TMC8: variants seen among roughly 807,000 people sequenced by gnomAD.
TMC8 encodes transmembrane channel-like protein 8.
TMC8 carries 71 observed loss-of-function variants against 76.0 expected under a neutral mutation model. The observed-to-expected ratio is 0.93, with a 90% CI of 0.77 to 1.14. The LOEUF (loss-of-function observed/expected upper bound fraction) is 1.14, where lower values mean the gene tolerates loss of function less well. Ranked by LOEUF, TMC8 falls within the 50% of genes most tolerant of loss-of-function variation. The pLI, the probability that TMC8 is intolerant of heterozygous loss-of-function variation, is 0.00. For missense variants in TMC8, 924 were observed against 947.9 expected (o/e 0.97, Z 0.33); for synonymous variants, 433 against 433.8 (o/e 1.00, Z 0.02).
rs745545885 is a variant in TMC8 at position 78,138,797 on chromosome 17, G to T, written c.1823+65G>T. 5 of 1,594,022 alleles carry T rather than the reference G, an allele frequency of 3.1e-6. No homozygotes were observed. The African/African-American group carries it at 5.4e-5, about 17-fold the overall frequency. On this transcript the variant is annotated intron_variant, in intron 14 of 15. Coordinates refer to ENST00000318430, the MANE Select transcript of TMC8 (RefSeq NM_152468.5). ...AGGGGGAGGTCCTTCCTTCCATGGG[G>T]GTGGTGAGCCTGTGCACCCCCAACC...
chr17:78,138,213 T>C, intron 12 of TMC8, 25 bp downstream of exon 12: 1 of 1,613,554 alleles, frequency 6.2e-7, no homozygotes, highest in East Asian at 2.2e-5. Context: ...CTGGGGGGTA[T>C]GGGGTTCGTG....
chr17:78,131,343 T>A lies in TMC8; in HGVS notation c.-246T>A. ...GAGTTGGAGCGGGGCTGGGCCCGAA[T>A]TCGACCGCAGCAGGATTCTCTCTCA... is the stretch of plus-strand genomic sequence containing the variant. On this transcript the variant is annotated 5_prime_UTR_variant, in exon 2 of 16. Transcript: ENST00000318430. The A allele has an allele frequency of 5.1e-6, 3 of 586,884 alleles. No individual in the cohort carries two copies. Among genetic ancestry groups the A allele is most frequent in the Non-Finnish European group, 3.0e-6 (1 of 331,332 alleles). 36.4% of individuals were successfully genotyped at this position (586,884 alleles called of 1,614,324 possible).
At chr17:78,135,957 G>A (rs1181581553) in intron 9 of TMC8, among the ~76,000 whole-genome samples, 1 of 152,188 alleles carries the variant, frequency 6.6e-6, no homozygotes, top group Non-Finnish European at 1.5e-5. Flanking sequence ...GGGAAGCTGA[G>A]GCAGGAGAAT....
At position 78,134,974 on chromosome 17, in the gene TMC8, C is replaced by G; in HGVS notation, c.1092C>G (p.Tyr364Ter). ...CATTTCTGGTCCAGCTGGAGAACTACCCTCCCAACACGGAGGTCAACCTCA... is the reference window on the plus strand; with the variant it reads ...CATTTCTGGTCCAGCTGGAGAACTAGCCTCCCAACACGGAGGTCAACCTCA... ...LFTFLVQLEN[Y>*]PPNTEVNLTL... The change falls in exon 9 of 16, where the codon TAC becomes TAG. Residue 364 changes from tyrosine (Y) to a stop codon, truncating the protein, a stop_gained. Transcript: ENST00000318430. LOFTEE classifies it high-confidence loss of function. 1 of 1,614,088 alleles carries G rather than the reference C, an allele frequency of 6.2e-7. No homozygotes were observed. Among genetic ancestry groups the G allele is most frequent in the Non-Finnish European group, 8.5e-7 (1 of 1,179,974 alleles).
At chr17:78,137,599 C>T (rs574175423) in intron 10 of TMC8, 118 bp from the exon 11 acceptor site, 189 of 1,152,600 alleles carry the variant, frequency 1.6e-4, no homozygotes, top group Middle Eastern at 4.2e-4. Flanking sequence ...TTCAACCTAA[C>T]GATTCTATCA....
Position 78,142,883 on chromosome 17 carries a change from C to T in TMC8, c.*1771C>T, listed in dbSNP as rs3169565. On this transcript the variant is annotated 3_prime_UTR_variant, in exon 16 of 16. Transcript: ENST00000318430. ...GAGACCTTGAAGGAATCATCAAACT[C>T]TGGGCCTCGGTGTGCTCACCCAGGG... 3 of 152,062 alleles carry T rather than the reference C, an allele frequency of 2.0e-5. No individual in the cohort carries two copies. The highest frequency in any genetic ancestry group is 7.3e-5 in the African/African-American group (3 of 41,378). 9.4% of individuals were successfully genotyped at this position (152,062 alleles called of 1,614,324 possible). A position where few individuals can be genotyped will look rare whatever the true frequency, so the allele number is the denominator to read the frequency against.
At chr17:78,136,830 G>A in intron 9 of TMC8, 1 of 338,436 alleles carries the variant, frequency 3.0e-6, no homozygotes, top group South Asian at 2.3e-5. Flanking sequence ...GGGAGGCCAA[G>A]GCGGGTGGAT....
Position 78,132,408 on chromosome 17 carries a change from G to A in TMC8, c.348G>A (p.Leu116=). 1 of 1,612,972 alleles carries A rather than the reference G, an allele frequency of 6.2e-7. No individual in the cohort carries two copies. The highest frequency in any genetic ancestry group is 8.5e-7 in the Non-Finnish European group (1 of 1,179,718). The stretch of plus-strand genomic sequence containing the variant: ...CCTACTTCACCTTCCTCCGCTTCCT[G>A]CTGCTACTCAACCTGCTGAGCCTGC... ...IRSYFTFLRF[L]LLLNLLSLLL... The change falls in exon 4 of 16, where the codon CTG becomes CTA. Residue 116 remains leucine, a synonymous_variant. Coordinates refer to ENST00000318430, the MANE Select transcript of TMC8 (RefSeq NM_152468.5).
In TMC8 at chr17:78,141,346, T is replaced by C; in HGVS notation, c.*234T>C. The C allele has an allele frequency of 5.2e-6, 2 of 383,078 alleles. No individual in the cohort carries two copies. Among genetic ancestry groups the C allele is most frequent in the Non-Finnish European group, 9.3e-6 (2 of 215,140 alleles). 23.7% of individuals were successfully genotyped at this position (383,078 alleles called of 1,614,324 possible). A position where few individuals can be genotyped will look rare whatever the true frequency, so the allele number is the denominator to read the frequency against. On this transcript the variant is annotated 3_prime_UTR_variant, in exon 16 of 16. Transcript: ENST00000318430. Reference sequence around the variant, plus strand: ...ATTTTTTATTGTGTTTTTTATAATATACATAATCTATTAGTATAGTATCTC... The same window carrying C: ...ATTTTTTATTGTGTTTTTTATAATACACATAATCTATTAGTATAGTATCTC...
Position 78,132,396 on chromosome 17 carries a change from C to T in TMC8, c.336C>T (p.Phe112=). ...FGTGIRSYFT[F]LRFLLLLNLL... is the part of the protein sequence containing the mutation. Reference sequence around the variant, plus strand: ...CAGGAATTCGGTCCTACTTCACCTTCCTCCGCTTCCTGCTGCTACTCAACC... The same window carrying T: ...CAGGAATTCGGTCCTACTTCACCTTTCTCCGCTTCCTGCTGCTACTCAACC... The change falls in exon 4 of 16, where the codon TTC becomes TTT. Residue 112 remains phenylalanine, a synonymous_variant. Transcript: ENST00000318430. 6.2e-7 allele frequency: 1 copy of T among 1,613,082 alleles called. No individual in the cohort carries two copies. The highest frequency in any genetic ancestry group is 8.5e-7 in the Non-Finnish European group (1 of 1,179,750).
intron 3 of TMC8, 108 bp downstream of exon 3, chr17:78,132,138 G>A: frequency 6.7e-7 from 1 of 1,501,492 alleles, no homozygotes; most frequent in Non-Finnish European, 9.0e-7. Flanking sequence ...CGGGTCCCCC[G>A]ACCAATCGGC....
rs763287287 is a variant in TMC8, at chr17:78,134,400, C to A, written c.823C>A (p.Leu275Met). 2.5e-6 allele frequency: 4 copies of A among 1,611,208 alleles called. No homozygotes were observed. Among genetic ancestry groups the A allele is most frequent in the Non-Finnish European group, 3.4e-6 (4 of 1,180,010 alleles). ...TCCCCACCCTTCCGGGCAGGTGGAGCTGGAGGAGGGCCGTCGCTTCCAGCT... is the reference window on the plus strand; with the variant it reads ...TCCCCACCCTTCCGGGCAGGTGGAGATGGAGGAGGGCCGTCGCTTCCAGCT... Reference protein sequence around the residue: ...HEISNEFKVELEEGRRFQLMQ... With the variant: ...HEISNEFKVEMEEGRRFQLMQ... Residue 275 changes from leucine to methionine, a missense_variant, in exon 8 of 16, where the codon CTG (leucine) becomes ATG (methionine). Coordinates refer to ENST00000318430, the MANE Select transcript of TMC8 (RefSeq NM_152468.5).
intron 7 of TMC8, 73 bp from the exon 8 acceptor site, chr17:78,134,321 G>A: frequency 6.5e-7 from 1 of 1,543,778 alleles, no homozygotes; most frequent in African/African-American, 1.4e-5. Context: ...CTGTGTGTGA[G>A]AGCGTTTCCT....
chr17:78,141,994 T>G lies in TMC8; in HGVS notation c.*882T>G, dbSNP rs114720173. The G allele has an allele frequency of 0.015, 2,269 of 152,494 alleles. 42 individuals carry two copies. Among genetic ancestry groups the G allele is most frequent in the African/African-American group, 0.052 (2,151 of 41,562 alleles). The allele number at this position is 152,494 out of a possible 1,614,324, so 9.4% of individuals were successfully genotyped here. A position where few individuals can be genotyped will look rare whatever the true frequency, so the allele number is the denominator to read the frequency against. On this transcript the variant is annotated 3_prime_UTR_variant, in exon 16 of 16. Transcript: ENST00000318430. ...CCTTAGTGGTATGTACGGGCCTGCATCGTGAGCAGCGGGCGGGGGCCCAGG... is the reference window on the plus strand; with the variant it reads ...CCTTAGTGGTATGTACGGGCCTGCAGCGTGAGCAGCGGGCGGGGGCCCAGG...
At chr17:78,132,987 G>T in intron 5 of TMC8, 117 bp downstream of exon 5, 2 of 1,215,146 alleles carry the variant, frequency 1.6e-6, no homozygotes. Context: ...GCTCCTCAGG[G>T]GATGGTCTTA....
chr17:78,138,015 G>A lies in TMC8; in HGVS notation c.1360G>A (p.Asp454Asn), dbSNP rs142790683. 1.9e-6 allele frequency: 3 copies of A among 1,613,960 alleles called. No homozygotes were observed. Among genetic ancestry groups the A allele is most frequent in the Non-Finnish European group, 2.5e-6 (3 of 1,180,018 alleles). Residue 454 changes from aspartate to asparagine, a missense_variant, in exon 12 of 16, where the codon GAC becomes AAC. Physicochemically the swap from Asp to Asn is conservative, Grantham distance 23. Transcript: ENST00000318430. Reference sequence around the variant, plus strand: ...CTCCCATCCCTGCAGGCTGCTGGTGGACCGGTTCTCAGGCCGGTTCTGGGC... The same window carrying A: ...CTCCCATCCCTGCAGGCTGCTGGTGAACCGGTTCTCAGGCCGGTTCTGGGC... ...LVTLPRRLLV[D>N]RFSGRFWAWL...
intron 9 of TMC8, 176 bp from the exon 10 acceptor site, chr17:78,137,059 A>C: frequency 1.1e-6 from 1 of 893,508 alleles, no homozygotes; most frequent in Non-Finnish European, 1.7e-6. Context: ...TCGCCTGGAG[A>C]CTCGGACTCT....
chr17:78,132,303 G>GCC, intron 3 of TMC8, 56 bp from the exon 4 acceptor site: 4 of 1,602,180 alleles, frequency 2.5e-6, no homozygotes, highest in South Asian at 2.2e-5. Flanking sequence ...TGGACTCTCA[G>GCC]CGCGGCCCCA....
intron 6 of TMC8, 75 bp from the exon 7 acceptor site, chr17:78,133,778 C>A: frequency 1.2e-6 from 2 of 1,606,646 alleles, no homozygotes; most frequent in African/African-American, 1.3e-5. Context: ...TTCCCAGACC[C>A]AGAGCCGAGC....
Sources: allele counts gnomAD v4.1 joint callset (sites outside exome capture counted in the v4.1 genomes callset), GRCh38; gene constraint gnomAD v4.1.1; transcripts MANE v1.5; gene names NCBI Gene and HGNC (gene_info 2026-07-23, HGNC 2026-07-21).